The following ERBB4 variants were observed in gnomAD, a reference collection of about 807,000 sequenced individuals.
ERBB4 encodes the protein erb-b2 receptor tyrosine kinase 4, also known as receptor tyrosine-protein kinase erbB-4.
In ERBB4, 42 loss-of-function variants were observed where a neutral mutation model predicts 158.0. That is an observed-to-expected ratio of 0.27 (90% CI 0.21 to 0.34). The LOEUF is 0.34. Ranked by LOEUF, ERBB4 falls within the 10% of genes least tolerant of loss-of-function variation. The probability of loss-of-function intolerance (pLI) is 1.00; values close to 1 mark genes in which losing one functional copy is unlikely to be tolerated. For missense variants in ERBB4, 1,333 were observed against 1,624.1 expected, an observed-to-expected ratio of 0.82 and a Z score of 3.08; for synonymous variants, 583 against 558.7, an observed-to-expected ratio of 1.04 and a Z score of -0.61.
At chr2:211,592,747 G>A (rs1332042359) in intron 19 of ERBB4, among the ~76,000 whole-genome samples, 2 of 152,028 alleles carry the variant, frequency 1.3e-5, no homozygotes, top group Non-Finnish European at 2.9e-5. Flanking sequence ...CATGGTGGCT[G>A]ACGCCTGTAA....
chr2:212,104,470 T>A (rs2079168939), intron 2 of ERBB4, among the ~76,000 whole-genome samples: 1 of 152,110 alleles, frequency 6.6e-6, no homozygotes, highest in Non-Finnish European at 1.5e-5. Flanking sequence ...TATCTCTTCA[T>A]AACAAAAATA....
intron 2 of ERBB4, among the ~76,000 whole-genome samples, chr2:212,077,558 A>T (rs2078310403): frequency 6.6e-6 from 1 of 151,992 alleles, no homozygotes; most frequent in South Asian, 2.1e-4. Flanking sequence ...ATATTATTAG[A>T]TCCAATTTAT....
At chr2:211,722,616 T>A (rs1232634835) in intron 6 of ERBB4, 82 bp from the exon 7 acceptor site, 7 of 1,363,734 alleles carry the variant, frequency 5.1e-6, no homozygotes, top group South Asian at 1.2e-5. Context: ...CAGGAGAAGT[T>A]TTTTTCTATA....
At chr2:212,185,088 T>C (rs961258833) in intron 1 of ERBB4, among the ~76,000 whole-genome samples, 1 of 151,222 alleles carries the variant, frequency 6.6e-6, no homozygotes, top group Non-Finnish European at 1.5e-5. Context: ...TGGCACAATC[T>C]TGGCTCACTG....
chr2:211,738,273 T>C (rs1372538165), intron 5 of ERBB4, among the ~76,000 whole-genome samples: 6 of 152,238 alleles, frequency 3.9e-5, no homozygotes, highest in Non-Finnish European at 8.8e-5. Flanking sequence ...CTTGTATAAA[T>C]GTTCAATTCT....
intron 1 of ERBB4, among the ~76,000 whole-genome samples, chr2:212,227,077 C>A (rs1447584378): frequency 1.3e-5 from 2 of 151,936 alleles, no homozygotes; most frequent in Non-Finnish European, 2.9e-5. Flanking sequence ...GAAACCCCAT[C>A]TCTACTAAAA....
chr2:211,936,041 ATAATTTTT>A (rs1393342766), intron 3 of ERBB4, among the ~76,000 whole-genome samples: 1 of 152,186 alleles, frequency 6.6e-6, no homozygotes, highest in Non-Finnish European at 1.5e-5. Context: ...AGTTATATGA[ATAATTTTT>A]TAAAACTAGT....
chr2:212,191,576 T>TATAC lies in ERBB4; in HGVS notation c.83-66674_83-66673insGTAT, dbSNP rs1474764003. ...TGCCTGTTATATATAACACATGTGT[T>TATAC]ATGCCTGTTATATATAACACATGTG... On this transcript the variant is annotated intron_variant, in intron 1 of 27. Coordinates refer to ENST00000342788, the MANE Select transcript of ERBB4 (RefSeq NM_005235.3). Among the ~76,000 whole-genome samples the TATAC allele has an allele frequency of 2.9e-3, 182 of 63,570 alleles. 4 individuals carry two copies. Among genetic ancestry groups the TATAC allele is most frequent in the Non-Finnish European group, 5.1e-3 (133 of 26,144 alleles). The allele number at this position is 63,570 out of a possible 152,430, so 41.7% of individuals were successfully genotyped here. A position where few individuals can be genotyped will look rare whatever the true frequency, so the allele number is the denominator to read the frequency against.
At chr2:211,439,252 A>G (rs1404670384) in intron 20 of ERBB4, among the ~76,000 whole-genome samples, 3 of 152,202 alleles carry the variant, frequency 2.0e-5, no homozygotes, top group Non-Finnish European at 4.4e-5. Context: ...TCCAACCACA[A>G]ACATGTATAG....
intron 2 of ERBB4, among the ~76,000 whole-genome samples, chr2:212,038,562 T>C (rs2077067777): frequency 6.6e-6 from 1 of 152,176 alleles, no homozygotes; most frequent in South Asian, 2.1e-4. Context: ...TTGTGTGTTC[T>C]GATTCTCAAA....
intron 16 of ERBB4, among the ~76,000 whole-genome samples, chr2:211,644,845 T>C (rs955359893): frequency 1.3e-5 from 2 of 152,018 alleles, no homozygotes; most frequent in Non-Finnish European, 1.5e-5. Context: ...GACTTTCTTC[T>C]TTTCAGTCTT....
intron 7 of ERBB4, among the ~76,000 whole-genome samples, chr2:211,719,218 C>T (rs574963736): frequency 2.6e-5 from 4 of 152,306 alleles, no homozygotes; most frequent in East Asian, 1.9e-4. Flanking sequence ...ACTATTACCA[C>T]GATTGCTTTG....
intron 2 of ERBB4, among the ~76,000 whole-genome samples, chr2:211,979,508 C>T (rs2081730167): frequency 6.6e-6 from 1 of 152,104 alleles, no homozygotes; most frequent in Non-Finnish European, 1.5e-5. Flanking sequence ...CAAAATTATG[C>T]TTCTGGTAAT....
chr2:211,935,296 T>C (rs1032423534), intron 3 of ERBB4, among the ~76,000 whole-genome samples: 7 of 152,172 alleles, frequency 4.6e-5, no homozygotes, highest in African/African-American at 1.4e-4. Flanking sequence ...TTTTAGAGCA[T>C]GTCTATGAAG....
At chr2:212,448,254 AC>A in intron 1 of ERBB4, among the ~76,000 whole-genome samples, 1 of 152,302 alleles carries the variant, frequency 6.6e-6, no homozygotes, top group Middle Eastern at 3.4e-3. Context: ...TGTTTTGTGT[AC>A]CCAACAGAGG....
At chr2:212,450,738 A>G (rs936423214) in intron 1 of ERBB4, among the ~76,000 whole-genome samples, 7 of 151,422 alleles carry the variant, frequency 4.6e-5, no homozygotes, top group African/African-American at 7.3e-5. Flanking sequence ...TACTGACTCT[A>G]TCTTCTGAAT....
intron 3 of ERBB4, among the ~76,000 whole-genome samples, chr2:211,851,692 A>G (rs1358999759): frequency 6.6e-6 from 1 of 151,994 alleles, no homozygotes; most frequent in Non-Finnish European, 1.5e-5. Flanking sequence ...ATCCCATAAA[A>G]TAGCCCTTGC....
chr2:211,853,889 A>G (rs1378665793), intron 3 of ERBB4, among the ~76,000 whole-genome samples: 1 of 152,116 alleles, frequency 6.6e-6, no homozygotes, highest in South Asian at 2.1e-4. Context: ...AGGAGTCATC[A>G]CCAGATGCCA....
At chr2:212,448,249 T>C (rs2092392236) in intron 1 of ERBB4, among the ~76,000 whole-genome samples, 1 of 152,150 alleles carries the variant, frequency 6.6e-6, no homozygotes, top group Admixed American at 6.5e-5. Flanking sequence ...CCTACTGTTT[T>C]GTGTACCCAA....
Sources: allele counts gnomAD v4.1 joint callset (sites outside exome capture counted in the v4.1 genomes callset), GRCh38; gene constraint gnomAD v4.1.1; transcripts MANE v1.5; gene names NCBI Gene and HGNC (gene_info 2026-07-23, HGNC 2026-07-21).